MAML3: variants seen among roughly 807,000 people sequenced by gnomAD.
MAML3 encodes mastermind-like protein 3.
In MAML3, 27 loss-of-function variants were observed where a neutral mutation model predicts 101.9. That is an observed-to-expected ratio of 0.27 (90% CI 0.20 to 0.37). The LOEUF is 0.37. Ranked by LOEUF, MAML3 falls within the 10% of genes least tolerant of loss-of-function variation. MAML3 has a pLI of 1.00. For synonymous variants in MAML3, 501 were observed against 555.9 expected (o/e 0.90, Z 1.39); for missense variants, 1,316 against 1,444.9 (o/e 0.91, Z 1.45).
At chr4:140,079,347 G>A (rs1221725656) in intron 1 of MAML3, among the ~76,000 whole-genome samples, 1 of 152,160 alleles carries the variant, frequency 6.6e-6, no homozygotes, top group Non-Finnish European at 1.5e-5. Context: ...GGCATGGAGT[G>A]CAGTGGCACA....
intron 2 of MAML3, among the ~76,000 whole-genome samples, chr4:139,839,047 C>A (rs1047448399): frequency 1.3e-5 from 2 of 152,198 alleles, no homozygotes; most frequent in Non-Finnish European, 2.9e-5. Flanking sequence ...AATCCTCAGT[C>A]AAGCTTAAAT....
intron 2 of MAML3, among the ~76,000 whole-genome samples, chr4:139,803,284 T>G (rs1053166190): frequency 6.6e-6 from 1 of 152,156 alleles, no homozygotes; most frequent in African/African-American, 2.4e-5. Context: ...AAATATAAAA[T>G]GAAATGCAGT....
intron 4 of MAML3, 33 bp from the exon 5 acceptor site, chr4:139,720,356 T>A: frequency 6.6e-7 from 1 of 1,504,904 alleles, no homozygotes; most frequent in Non-Finnish European, 8.9e-7. Flanking sequence ...TACCACTCAC[T>A]CTTCTCCATA....
chr4:140,076,134 T>C (rs1336098545), intron 1 of MAML3, among the ~76,000 whole-genome samples: 3 of 152,120 alleles, frequency 2.0e-5, no homozygotes, highest in Admixed American at 1.3e-4. Flanking sequence ...CCCAAAGCCC[T>C]GGTATTAAAG....
chr4:139,877,380 G>C (rs148663495), intron 2 of MAML3, among the ~76,000 whole-genome samples: 215 of 151,708 alleles, frequency 1.4e-3, no homozygotes, highest in African/African-American at 4.7e-3. Context: ...GAAGAGCCCA[G>C]AGTTGTATGA....
At chr4:139,754,719 A>C (rs942014980) in intron 2 of MAML3, among the ~76,000 whole-genome samples, 1 of 152,230 alleles carries the variant, frequency 6.6e-6, no homozygotes, top group African/African-American at 2.4e-5. Context: ...TTCCATCAGG[A>C]ATATACAAGG....
chr4:139,976,552 T>TA (rs1241462699), intron 1 of MAML3, among the ~76,000 whole-genome samples: 2 of 152,170 alleles, frequency 1.3e-5, no homozygotes, highest in Non-Finnish European at 1.5e-5. Context: ...TCATAGGTGA[T>TA]ACCTTCAGGA....
chr4:139,915,992 C>G (rs570863326), intron 1 of MAML3, among the ~76,000 whole-genome samples: 1 of 152,160 alleles, frequency 6.6e-6, no homozygotes, highest in Non-Finnish European at 1.5e-5. Context: ...CATTAAATAC[C>G]AGGCAAATTC....
At chr4:139,897,759 TCCA>T (rs1324094776) in intron 1 of MAML3, among the ~76,000 whole-genome samples, 1 of 152,184 alleles carries the variant, frequency 6.6e-6, no homozygotes, top group African/African-American at 2.4e-5. Flanking sequence ...TCTAAAGCTG[TCCA>T]CCATCTTCAG....
In MAML3 at chr4:139,785,590, C is replaced by T. The variant is rs1730291993; in HGVS notation, c.2080-54923G>A. Among the ~76,000 whole-genome samples, 1 of 152,150 alleles carries T rather than the reference C, an allele frequency of 6.6e-6. No homozygotes were observed. The stretch of plus-strand genomic sequence containing the variant: ...CGGAGTATTGTTTGGAAAAATATCA[C>T]CCAGCACGAACAATATGGCTCCCCA... On this transcript the variant is annotated intron_variant, in intron 2 of 4. Coordinates refer to ENST00000509479, the MANE Select transcript of MAML3 (RefSeq NM_018717.5). This position sits in a 1 kb window ranked among gnomAD's most constrained non-coding sequence, Gnocchi z 4.3.
At chr4:139,910,760 TGAA>T (rs1318042177) in intron 1 of MAML3, among the ~76,000 whole-genome samples, 2 of 151,930 alleles carry the variant, frequency 1.3e-5, no homozygotes, top group Non-Finnish European at 2.9e-5. Flanking sequence ...TGAGTGGGTG[TGAA>T]GGAGAAGGGA....
intron 2 of MAML3, among the ~76,000 whole-genome samples, chr4:139,808,161 C>T (rs894431018): frequency 1.3e-5 from 2 of 152,214 alleles, no homozygotes; most frequent in African/African-American, 4.8e-5. Flanking sequence ...CTGACTTTTC[C>T]AGCTATTTTC....
chr4:140,010,662 G>A (rs1726534412), intron 1 of MAML3, among the ~76,000 whole-genome samples: 1 of 151,978 alleles, frequency 6.6e-6, no homozygotes, highest in African/African-American at 2.4e-5. Context: ...AGTTTCATAA[G>A]GTCTGCTCAT....
In MAML3 at chr4:139,719,751, G is replaced by A. The variant is rs1728153443; in HGVS notation, c.2989C>T (p.Leu997=). ...SYPLQAGQPR[L]TKQHFPQGLS... is the part of the protein sequence containing the mutation. ...CCCTGTGGGAAGTGCTGCTTGGTCA[G>A]TCTCGGCTGCCCAGCTTGAAGAGGG... Residue 997 remains leucine (L), a synonymous_variant, in exon 5 of 5, where the codon CTG becomes TTG. Transcript: ENST00000509479. 4 of 1,613,634 alleles carry A rather than the reference G, an allele frequency of 2.5e-6. No individual in the cohort carries two copies. Among genetic ancestry groups the A allele is most frequent in the Admixed American group, 3.3e-5 (2 of 60,000 alleles).
chr4:139,729,658 C>G (rs960665510), intron 3 of MAML3, among the ~76,000 whole-genome samples: 4 of 152,072 alleles, frequency 2.6e-5, no homozygotes, highest in African/African-American at 4.8e-5. Context: ...TCAGGCCTTT[C>G]CCTAGGATAA....
intron 2 of MAML3, among the ~76,000 whole-genome samples, chr4:139,878,171 T>C (rs1449570527): frequency 6.6e-6 from 1 of 152,196 alleles, no homozygotes; most frequent in Non-Finnish European, 1.5e-5. Context: ...GAAGGAATAA[T>C]GCTTTGCCGC....
chr4:140,121,692 A>G (rs868243968), intron 1 of MAML3, among the ~76,000 whole-genome samples: 1 of 152,252 alleles, frequency 6.6e-6, no homozygotes, highest in African/African-American at 2.4e-5. Flanking sequence ...TAAATATACT[A>G]GAGGTATTTA....
chr4:139,898,423 A>T (rs1037408944), intron 1 of MAML3, among the ~76,000 whole-genome samples: 1 of 152,238 alleles, frequency 6.6e-6, no homozygotes, highest in Non-Finnish European at 1.5e-5. Context: ...ACTTTAAGCG[A>T]CATTACCATG....
intron 2 of MAML3, among the ~76,000 whole-genome samples, chr4:139,850,350 C>T (rs546885716): frequency 6.6e-6 from 1 of 152,212 alleles, no homozygotes. Context: ...ACATCCTGAT[C>T]TGCCAGGACC....
Sources: gnomAD v4.1 joint callset for allele counts (sites outside exome capture counted in the v4.1 genomes callset) on GRCh38, gnomAD v4.1.1 for gene constraint, Gnocchi (gnomAD v3.1) non-coding constraint, MANE v1.5 for transcripts, NCBI Gene and HGNC (gene_info 2026-07-23, HGNC 2026-07-21) for gene names.